Variants in CROCC2 observed in about 807,000 individuals in gnomAD.
The protein encoded by CROCC2 is ciliary rootlet coiled-coil, rootletin family member 2.
Under a neutral mutation model 177.6 loss-of-function variants are expected in CROCC2, and 163 were observed. The ratio of observed to expected loss-of-function variants is 0.92; its 90% CI spans 0.81 to 1.05. The LOEUF is 1.05. CROCC2 is among the 50% of genes least tolerant of loss of function. CROCC2 has a pLI of 0.00. For synonymous variants in CROCC2, 904 were observed against 787.3 expected (o/e 1.15, Z -2.48); for missense variants, 1,929 against 1,797.8 (o/e 1.07, Z -1.32).
At chr2:240,919,759 T>A (rs1188562754) in intron 2 of CROCC2, among the ~76,000 whole-genome samples, 1 of 152,174 alleles carries the variant, frequency 6.6e-6, no homozygotes, top group Non-Finnish European at 1.5e-5. Flanking sequence ...TTCGAGGTGG[T>A]AGGATTGCAG....
chr2:240,929,464 T>C (rs1333350249), intron 5 of CROCC2, among the ~76,000 whole-genome samples: 1 of 152,082 alleles, frequency 6.6e-6, no homozygotes, highest in Non-Finnish European at 1.5e-5. Context: ...CTTAGCTCCC[T>C]GCAAGGCTGG....
chr2:240,982,609 C>A lies in CROCC2; in HGVS notation c.4402-271C>A, dbSNP rs551143979. 306 of 332,088 alleles carry A rather than the reference C, an allele frequency of 9.2e-4. 6 individuals are homozygous for A. The South Asian group carries it at 0.01, about 11-fold the overall frequency. The allele number at this position is 332,088 out of a possible 1,614,324, so 20.6% of individuals were successfully genotyped here. A position where few individuals can be genotyped will look rare whatever the true frequency, so the allele number is the denominator to read the frequency against. ...TGAGACCACTGGCTGCAGCAGAGAACCTGCCAAGCCCAAGTCTTTGCCCAC... is the reference window on the plus strand; with the variant it reads ...TGAGACCACTGGCTGCAGCAGAGAAACTGCCAAGCCCAAGTCTTTGCCCAC... On this transcript the variant is annotated intron_variant, in intron 27 of 31. Transcript: ENST00000690015. The surrounding 1 kb of genome is among the most constrained non-coding windows in gnomAD (Gnocchi z 4.7).
rs1246857424 is a variant in CROCC2, at chr2:240,982,942, C to A, written c.4464C>A (p.Ala1488=). The part of the protein sequence containing the change: ...EESRRHSQGL[A]KQGKLLEEQL... ...GCAGGAGGCACAGCCAAGGTCTGGC[C>A]AAGCAGGGGAAGCTGCTGGAAGAAC... is the stretch of plus-strand genomic sequence containing the variant. Residue 1488 remains alanine (A), a synonymous_variant, in exon 28 of 32, where the codon GCC becomes GCA. Coordinates refer to ENST00000690015, the MANE Select transcript of CROCC2 (RefSeq NM_001351305.2). The surrounding 1 kb of genome is among the most constrained non-coding windows in gnomAD (Gnocchi z 4.7). 6.4e-7 allele frequency: 1 copy of A among 1,550,442 alleles called. No homozygotes were observed. The highest frequency in any genetic ancestry group is 2.4e-5 in the East Asian group (1 of 40,908).
At chr2:240,971,207 C>T (rs1321747672) in intron 27 of CROCC2, among the ~76,000 whole-genome samples, 1 of 152,220 alleles carries the variant, frequency 6.6e-6, no homozygotes, top group African/African-American at 2.4e-5. Context: ...GGGTGAGACC[C>T]ACCTGGGTGG....
intron 14 of CROCC2, among the ~76,000 whole-genome samples, chr2:240,942,178 C>G (rs970333644): frequency 6.6e-6 from 1 of 152,194 alleles, no homozygotes; most frequent in South Asian, 2.1e-4. Flanking sequence ...ACTAAGACAT[C>G]TCTTCCATAC....
chr2:240,971,769 C>G (rs1041706066), intron 27 of CROCC2, among the ~76,000 whole-genome samples: 1 of 152,166 alleles, frequency 6.6e-6, no homozygotes, highest in Non-Finnish European at 1.5e-5. Flanking sequence ...TTCTCAGCAT[C>G]CCAATACTGA....
At chr2:240,975,614 C>T (rs780037111) in intron 27 of CROCC2, among the ~76,000 whole-genome samples, 1 of 152,116 alleles carries the variant, frequency 6.6e-6, no homozygotes, top group South Asian at 2.1e-4. Flanking sequence ...CCCTTCTGCT[C>T]CTGTTCAGAT....
In CROCC2 at chr2:240,919,609, A is replaced by C. The variant is rs562350132; in HGVS notation, c.230-374A>C. Among the ~76,000 whole-genome samples the C allele has an allele frequency of 2.6e-5, 4 of 151,974 alleles. No homozygotes were observed. The South Asian group carries it at 8.3e-4, about 32-fold the overall frequency. ...TGTGTATTTACAAAAGCACCTTATT[A>C]CTCGGGGACCAGGTCCCTTCCCCCA... On this transcript the variant is annotated intron_variant, in intron 2 of 31. Coordinates refer to ENST00000690015, the MANE Select transcript of CROCC2 (RefSeq NM_001351305.2).
chr2:240,936,071 T>C (rs2059468190), intron 14 of CROCC2, among the ~76,000 whole-genome samples: 1 of 152,228 alleles, frequency 6.6e-6, no homozygotes, highest in African/African-American at 2.4e-5. Flanking sequence ...GTGAAAACCC[T>C]GTCCATGCTG....
rs372694643 is a variant in CROCC2, at chr2:240,960,886, G to A, written c.3087+1442G>A. Among the ~76,000 whole-genome samples, 39 of 137,528 alleles carry A rather than the reference G, an allele frequency of 2.8e-4. No homozygotes were observed. Among genetic ancestry groups the A allele is most frequent in the African/African-American group, 9.2e-4 (35 of 37,918 alleles). 90.2% of individuals were successfully genotyped at this position (137,528 alleles called of 152,430 possible). Reference sequence around the variant, plus strand: ...GCCCGGTCAGCGACCACACGGGGAAGCAAAACGAGATTGCAAAACTGGGGG... The same window carrying A: ...GCCCGGTCAGCGACCACACGGGGAAACAAAACGAGATTGCAAAACTGGGGG... On this transcript the variant is annotated intron_variant, in intron 20 of 31. Coordinates refer to ENST00000690015, the MANE Select transcript of CROCC2 (RefSeq NM_001351305.2). This position sits in a 1 kb window ranked among gnomAD's most constrained non-coding sequence, Gnocchi z 5.0.
rs994619584 is a variant in CROCC2, at chr2:240,966,391, G to A, written c.4128G>A (p.Arg1376=). The change falls in exon 25 of 32, where the codon CGG becomes CGA. Residue 1376 remains arginine (R), a synonymous_variant. Coordinates refer to ENST00000690015, the MANE Select transcript of CROCC2 (RefSeq NM_001351305.2). ...DILRDFVQKL[R]EAQRERDDSR... ...TGCGGGACTTTGTGCAGAAGCTCCGGGAAGCCCAGCGGGAGCGGGTAATGG... is the reference window on the plus strand; with the variant it reads ...TGCGGGACTTTGTGCAGAAGCTCCGAGAAGCCCAGCGGGAGCGGGTAATGG... The A allele has an allele frequency of 2.5e-6, 1 of 401,634 alleles. No homozygotes were observed. Among genetic ancestry groups the A allele is most frequent in the South Asian group, 1.3e-4 (1 of 7,978 alleles). The allele number at this position is 401,634 out of a possible 1,614,324, so 24.9% of individuals were successfully genotyped here. A position where few individuals can be genotyped will look rare whatever the true frequency, so the allele number is the denominator to read the frequency against.
rs534696076 is a variant in CROCC2 at position 240,930,426 on chromosome 2, C to T, written c.749+157C>T. Among the ~76,000 whole-genome samples, 8 of 152,252 alleles carry T rather than the reference C, an allele frequency of 5.3e-5. No individual in the cohort carries two copies. In the East Asian group the frequency reaches 5.8e-4, roughly 11 times the overall value. ...ACCCAGCCCTGGCTGGGCCTCAGGC[C>T]GGCCAGTGGGAGCAGCGATGAGGGC... On this transcript the variant is annotated intron_variant, in intron 6 of 31. Transcript: ENST00000690015.
chr2:240,965,359 C>T, intron 22 of CROCC2, 22 bp from the exon 23 acceptor site: 1 of 1,548,450 alleles, frequency 6.5e-7, no homozygotes, highest in Non-Finnish European at 8.7e-7. Context: ...GTGACCCTGT[C>T]CGTGCGGCCC....
In CROCC2 at chr2:240,949,890, C is replaced by T. The variant is rs1048857352; in HGVS notation, c.2652+188C>T. Reference sequence around the variant, plus strand: ...CATCCAGGGCCTTCCCCGTGGAGCCCTCATATTGGGCTTGGGTTTGTATTT... The same window carrying T: ...CATCCAGGGCCTTCCCCGTGGAGCCTTCATATTGGGCTTGGGTTTGTATTT... On this transcript the variant is annotated intron_variant, in intron 17 of 31. Coordinates refer to ENST00000690015, the MANE Select transcript of CROCC2 (RefSeq NM_001351305.2). This position sits in a 1 kb window ranked among gnomAD's most constrained non-coding sequence, Gnocchi z 4.5. Among the ~76,000 whole-genome samples the T allele has an allele frequency of 6.6e-6, 1 of 152,192 alleles. No homozygotes were observed. The highest frequency in any genetic ancestry group is 1.5e-5 in the Non-Finnish European group (1 of 68,036).
intron 14 of CROCC2, among the ~76,000 whole-genome samples, chr2:240,943,820 T>C (rs2059507467): frequency 6.6e-6 from 1 of 152,164 alleles, no homozygotes; most frequent in South Asian, 2.1e-4. Context: ...ACACCCCCTG[T>C]CACTTAGGAC....
chr2:240,919,383 G>A (rs906454819), intron 2 of CROCC2, among the ~76,000 whole-genome samples: 1 of 151,984 alleles, frequency 6.6e-6, no homozygotes, highest in Non-Finnish European at 1.5e-5. Flanking sequence ...AGGGAGCACA[G>A]ACGCCCACCC....
intron 28 of CROCC2, among the ~76,000 whole-genome samples, chr2:240,983,918 C>T (rs1487462108): frequency 6.6e-6 from 1 of 152,196 alleles, no homozygotes; most frequent in Non-Finnish European, 1.5e-5. Flanking sequence ...GAGATAGCCC[C>T]TCCCCAGGGG....
At chr2:240,955,733 A>T (rs1257443364) in intron 18 of CROCC2, 126 bp from the exon 19 acceptor site, 1 of 638,374 alleles carries the variant, frequency 1.6e-6, no homozygotes. Context: ...AGACAGGAAC[A>T]TGAACGTGCT....
rs185866684 is a variant in CROCC2 at position 240,973,281 on chromosome 2, T to C, written c.4401+5019T>C. ...TTCCAAGGCTACCCTGGGAATTCAA[T>C]AGAACAGCCGTGCAGGACCAGCCCG... On this transcript the variant is annotated intron_variant, in intron 27 of 31. Transcript: ENST00000690015. This position sits in a 1 kb window ranked among gnomAD's most constrained non-coding sequence, Gnocchi z 4.7. Among the ~76,000 whole-genome samples the C allele has an allele frequency of 1.2e-4, 18 of 152,310 alleles. No homozygotes were observed. The highest frequency in any genetic ancestry group is 4.3e-4 in the African/African-American group (18 of 41,566).
Sources: allele counts gnomAD v4.1 joint callset (sites outside exome capture counted in the v4.1 genomes callset), GRCh38; gene constraint gnomAD v4.1.1; non-coding constraint Gnocchi (gnomAD v3.1); transcripts MANE v1.5; gene names NCBI Gene and HGNC (gene_info 2026-07-23, HGNC 2026-07-21).